Variants in METAP1 observed in about 807,000 individuals in gnomAD.
METAP1 encodes the protein methionine aminopeptidase 1.
METAP1 carries 28 observed loss-of-function variants against 53.8 expected under a neutral mutation model. The ratio of observed to expected loss-of-function variants is 0.52; its 90% CI spans 0.39 to 0.71. The LOEUF (loss-of-function observed/expected upper bound fraction) is 0.71, where lower values mean the gene tolerates loss of function less well. Among genes scored for constraint, METAP1 ranks in the 30% least tolerant of loss-of-function variants. The pLI is 0.00. For missense variants in METAP1, 389 were observed against 479.8 expected (o/e 0.81, Z 1.77); for synonymous variants, 181 against 165.7 (o/e 1.09, Z -0.71).
At chr4:99,017,949 AG>A (rs1353562439) in intron 1 of METAP1, among the ~76,000 whole-genome samples, 5 of 152,254 alleles carry the variant, frequency 3.3e-5, no homozygotes, top group Non-Finnish European at 1.5e-5. Context: ...AAAAGATGAA[AG>A]GGTTTTTCTA....
chr4:99,023,432 GATAC>G lies in METAP1; in HGVS notation c.115-5429_115-5426del, dbSNP rs376532750. ...AGTATTTATATATATGTTATATCTT[GATAC>G]ATACAAATCCTTTTAGTTACCAGGT... On this transcript the variant is annotated intron_variant, in intron 1 of 10. Coordinates refer to ENST00000296411, the MANE Select transcript of METAP1 (RefSeq NM_015143.3). 27 of 912,302 alleles carry G rather than the reference GATAC, an allele frequency of 3.0e-5. No individual in the cohort carries two copies. The African/African-American group carries it at 4.5e-4, about 15-fold the overall frequency. The allele number at this position is 912,302 out of a possible 1,614,324, so 56.5% of individuals were successfully genotyped here.
intron 1 of METAP1, among the ~76,000 whole-genome samples, chr4:99,020,027 AT>A (rs1723995134): frequency 6.6e-6 from 1 of 152,116 alleles, no homozygotes; most frequent in Non-Finnish European, 1.5e-5. Context: ...GAGCAGCATT[AT>A]TATTATTCCA....
chr4:99,031,794 T>G (rs894914474), intron 2 of METAP1: 5 of 390,830 alleles, frequency 1.3e-5, no homozygotes, highest in Non-Finnish European at 2.4e-5. Context: ...GCAGCCTGCA[T>G]ACAACTTTTT....
At chr4:99,052,391 T>C (rs894522441) in intron 9 of METAP1, among the ~76,000 whole-genome samples, 18 of 152,210 alleles carry the variant, frequency 1.2e-4, no homozygotes, top group African/African-American at 4.3e-4. Flanking sequence ...AGAGGCTTAA[T>C]TGGCTCACGG....
chr4:99,000,938 C>A (rs1358576932), intron 1 of METAP1, among the ~76,000 whole-genome samples: 1 of 152,028 alleles, frequency 6.6e-6, no homozygotes, highest in Non-Finnish European at 1.5e-5. Context: ...TTTCTGAGTT[C>A]CACTTTGCCT....
intron 4 of METAP1, among the ~76,000 whole-genome samples, chr4:99,037,594 A>G (rs899978400): frequency 1.3e-5 from 2 of 151,904 alleles, no homozygotes; most frequent in Admixed American, 6.6e-5. Context: ...TTGAAGTGCA[A>G]CCTATATTGT....
rs116298874 is a variant in METAP1, at chr4:99,018,602, G to C, written c.115-10265G>C. On this transcript the variant is annotated intron_variant, in intron 1 of 10. Transcript: ENST00000296411. ...GAAAGCATCCTTTAAGTCTATTACA[G>C]TAAACCATTGATGACTTTACAGAAT... Among the ~76,000 whole-genome samples the C allele has an allele frequency of 3.2e-3, 492 of 152,316 alleles. 5 individuals carry two copies. The highest frequency in any genetic ancestry group is 0.011 in the African/African-American group (456 of 41,568).
At chr4:99,001,763 A>G (rs927272849) in intron 1 of METAP1, among the ~76,000 whole-genome samples, 6 of 152,230 alleles carry the variant, frequency 3.9e-5, no homozygotes, top group African/African-American at 1.4e-4. Context: ...TAATAATGGT[A>G]CAGGATTTGG....
chr4:99,019,144 G>C (rs1560702361), intron 1 of METAP1, among the ~76,000 whole-genome samples: 1 of 152,108 alleles, frequency 6.6e-6, no homozygotes, highest in Non-Finnish European at 1.5e-5. Context: ...CTAGGATTTT[G>C]GCCTTAAACC....
chr4:99,013,847 C>G (rs1370188020), intron 1 of METAP1, among the ~76,000 whole-genome samples: 1 of 152,160 alleles, frequency 6.6e-6, no homozygotes, highest in East Asian at 1.9e-4. Flanking sequence ...ATACACACAT[C>G]CTAACATTTA....
intron 9 of METAP1, among the ~76,000 whole-genome samples, chr4:99,051,188 G>T (rs1726671711): frequency 6.6e-6 from 1 of 152,068 alleles, no homozygotes; most frequent in South Asian, 2.1e-4. Flanking sequence ...TTTGAGTTTA[G>T]ATATGGATTT....
intron 2 of METAP1, 130 bp downstream of exon 2, chr4:99,029,048 A>G (rs1320431836): frequency 5.2e-6 from 3 of 577,726 alleles, no homozygotes; most frequent in Non-Finnish European, 8.9e-6. Context: ...TACTAGAATT[A>G]TGACATATTT....
chr4:99,026,104 G>A (rs1306142503), intron 1 of METAP1: 13 of 397,412 alleles, frequency 3.3e-5, no homozygotes, highest in Non-Finnish European at 4.4e-5. Context: ...GGCACATGTT[G>A]TCAGTACTCC....
chr4:99,004,187 ACT>A (rs1416833213), intron 1 of METAP1, among the ~76,000 whole-genome samples: 2 of 151,884 alleles, frequency 1.3e-5, no homozygotes, highest in Non-Finnish European at 2.9e-5. Context: ...CTATTTGGAA[ACT>A]CTCTGAACCC....
chr4:98,997,798 C>A (rs888096727), intron 1 of METAP1, among the ~76,000 whole-genome samples: 1 of 152,176 alleles, frequency 6.6e-6, no homozygotes, highest in Non-Finnish European at 1.5e-5. Flanking sequence ...CACTGTTAGA[C>A]ATGCACTCAA....
chr4:99,057,277 G>A (rs567665697), intron 9 of METAP1, among the ~76,000 whole-genome samples: 1 of 152,326 alleles, frequency 6.6e-6, no homozygotes, highest in South Asian at 2.1e-4. Flanking sequence ...TCTATGGGCT[G>A]TGCACCTGTG....
At chr4:99,046,223 G>A (rs1312144445) in intron 8 of METAP1, among the ~76,000 whole-genome samples, 1 of 151,862 alleles carries the variant, frequency 6.6e-6, no homozygotes, top group Non-Finnish European at 1.5e-5. Context: ...AGACCAGCCC[G>A]GCCAACATGG....
intron 10 of METAP1, among the ~76,000 whole-genome samples, chr4:99,058,859 ATC>A (rs1367184763): frequency 6.6e-6 from 1 of 152,204 alleles, no homozygotes; most frequent in African/African-American, 2.4e-5. Context: ...GAAAATTAGA[ATC>A]TCTATCTTGC....
intron 1 of METAP1, among the ~76,000 whole-genome samples, chr4:99,027,886 A>G (rs765262343): frequency 6.6e-6 from 1 of 152,198 alleles, no homozygotes; most frequent in Non-Finnish European, 1.5e-5. Flanking sequence ...GATCTTTCAG[A>G]GTCCCTTGGG....
Sources: gnomAD v4.1 joint callset for allele counts (sites outside exome capture counted in the v4.1 genomes callset) on GRCh38, gnomAD v4.1.1 for gene constraint, MANE v1.5 for transcripts, NCBI Gene and HGNC (gene_info 2026-07-23, HGNC 2026-07-21) for gene names.